KCNIP4: variants seen among roughly 807,000 people sequenced by gnomAD.
KCNIP4 encodes potassium voltage-gated channel interacting protein 4.
Under a neutral mutation model 34.0 loss-of-function variants are expected in KCNIP4, and 12 were observed. The ratio of observed to expected loss-of-function variants is 0.35; its 90% CI spans 0.23 to 0.57. The LOEUF is 0.57. Among genes scored for constraint, KCNIP4 ranks in the 20% least tolerant of loss-of-function variants. The pLI is 0.83. For missense variants in KCNIP4, 238 were observed against 311.7 expected (o/e 0.76, Z 1.78); for synonymous variants, 124 against 102.2 (o/e 1.21, Z -1.29).
intron 1 of KCNIP4, among the ~76,000 whole-genome samples, chr4:20,903,117 A>T (rs1158973290): frequency 6.6e-6 from 1 of 152,200 alleles, no homozygotes; most frequent in Non-Finnish European, 1.5e-5. Flanking sequence ...CAGAATCATT[A>T]TTCTTTATAG....
At chr4:21,086,559 T>A (rs1353003006) in intron 1 of KCNIP4, among the ~76,000 whole-genome samples, 1 of 152,298 alleles carries the variant, frequency 6.6e-6, no homozygotes, top group Admixed American at 6.5e-5. Context: ...GAAGTATAAT[T>A]TGACACAGGA....
chr4:21,481,950 T>C (rs1364982554), intron 1 of KCNIP4, among the ~76,000 whole-genome samples: 1 of 152,138 alleles, frequency 6.6e-6, no homozygotes, highest in Non-Finnish European at 1.5e-5. Flanking sequence ...AGTCTAAGTC[T>C]CTTTGTAGGT....
chr4:21,118,193 A>AGT (rs1681959748), intron 1 of KCNIP4, among the ~76,000 whole-genome samples: 1 of 152,126 alleles, frequency 6.6e-6, no homozygotes, highest in African/African-American at 2.4e-5. Context: ...CTGAGGGGCT[A>AGT]ACTAAACAGG....
chr4:21,423,605 T>C (rs1725679496), intron 1 of KCNIP4, among the ~76,000 whole-genome samples: 1 of 152,214 alleles, frequency 6.6e-6, no homozygotes, highest in Non-Finnish European at 1.5e-5. Flanking sequence ...CAAATCACTA[T>C]TTCTACACCT....
intron 1 of KCNIP4, among the ~76,000 whole-genome samples, chr4:21,815,450 C>T (rs561613080): frequency 5.9e-4 from 89 of 151,738 alleles, no homozygotes; most frequent in Admixed American, 2.0e-3. Context: ...ACTCTTAGTA[C>T]GATTATCACT....
chr4:21,723,375 T>C (rs562631636), intron 1 of KCNIP4, among the ~76,000 whole-genome samples: 28 of 152,266 alleles, frequency 1.8e-4, no homozygotes, highest in Non-Finnish European at 2.8e-4. Context: ...TTTTTTTGTG[T>C]GCAGCAACCT....
At chr4:21,473,837 C>T (rs1730673449) in intron 1 of KCNIP4, among the ~76,000 whole-genome samples, 1 of 151,950 alleles carries the variant, frequency 6.6e-6, no homozygotes, top group African/African-American at 2.4e-5. Flanking sequence ...CCTCAGCCTC[C>T]CCAAGAGCTG....
intron 1 of KCNIP4, among the ~76,000 whole-genome samples, chr4:21,857,908 TGC>T (rs988817956): frequency 2.0e-5 from 3 of 152,222 alleles, no homozygotes; most frequent in African/African-American, 7.2e-5. Flanking sequence ...TTTGGGGTTC[TGC>T]AGTTTCTGGT....
At chr4:20,798,994 A>G (rs1483449673) in intron 3 of KCNIP4, among the ~76,000 whole-genome samples, 1 of 152,138 alleles carries the variant, frequency 6.6e-6, no homozygotes, top group Non-Finnish European at 1.5e-5. Flanking sequence ...GGAACCAGAG[A>G]CACTACTAGA....
At chr4:20,771,555 C>T (rs188640694) in intron 3 of KCNIP4, among the ~76,000 whole-genome samples, 167 of 152,140 alleles carry the variant, frequency 1.1e-3, no homozygotes, top group African/African-American at 3.7e-3. Context: ...AAAGAGGTGT[C>T]GTCTATAGAT....
intron 1 of KCNIP4, among the ~76,000 whole-genome samples, chr4:20,975,458 T>C (rs750297816): frequency 6.6e-6 from 1 of 152,198 alleles, no homozygotes; most frequent in Non-Finnish European, 1.5e-5. Context: ...CATTGACTCA[T>C]TGTATGACAA....
At chr4:20,877,171 T>G (rs1158080954) in intron 2 of KCNIP4, among the ~76,000 whole-genome samples, 1 of 152,188 alleles carries the variant, frequency 6.6e-6, no homozygotes, top group East Asian at 1.9e-4. Context: ...GGGCTCGCTC[T>G]TTGGTGAGTT....
At chr4:21,268,755 G>T (rs1483550534) in intron 1 of KCNIP4, among the ~76,000 whole-genome samples, 2 of 152,198 alleles carry the variant, frequency 1.3e-5, no homozygotes, top group Non-Finnish European at 2.9e-5. Context: ...TAAGGGTTTT[G>T]ATAGAGATGG....
intron 1 of KCNIP4, among the ~76,000 whole-genome samples, chr4:21,300,861 A>G (rs1035708): frequency 0.031 from 4,781 of 152,214 alleles, 164 homozygotes; most frequent in South Asian, 0.13. Context: ...CACTCATTGA[A>G]GTTTTGAAAT....
intron 1 of KCNIP4, among the ~76,000 whole-genome samples, chr4:21,756,552 CA>C (rs71191600): frequency 0.14 from 17,010 of 124,704 alleles, 957 homozygotes; most frequent in Middle Eastern, 0.14. Flanking sequence ...GACTCTGTCT[CA>C]AAAAAAAAAA....
intron 1 of KCNIP4, among the ~76,000 whole-genome samples, chr4:20,970,143 G>A (rs796676770): frequency 1.3e-3 from 197 of 151,994 alleles, no homozygotes; most frequent in African/African-American, 4.5e-3. Flanking sequence ...GGGTTTCACC[G>A]TGTTAGCCAG....
chr4:21,256,403 GATCCC>G (rs745747933), intron 1 of KCNIP4, among the ~76,000 whole-genome samples: 6 of 137,668 alleles, frequency 4.4e-5, no homozygotes, highest in Non-Finnish European at 9.2e-5. Flanking sequence ...AACATAATGA[GATCCC>G]ATCCCTGCTT....
chr4:21,757,285 AAG>A (rs142173311), intron 1 of KCNIP4, among the ~76,000 whole-genome samples: 2 of 85,248 alleles, frequency 2.3e-5, no homozygotes. Context: ...AAGAAAAGAA[AAG>A]AGAAAAGAAA....
At chr4:20,850,355 C>T in intron 3 of KCNIP4, 188 bp downstream of exon 3, 4 of 547,702 alleles carry the variant, frequency 7.3e-6, no homozygotes, top group Admixed American at 2.8e-5. Flanking sequence ...TCACAGTATG[C>T]CAGCATGGGT....
Sources: gnomAD v4.1 joint callset for allele counts (sites outside exome capture counted in the v4.1 genomes callset) on GRCh38, gnomAD v4.1.1 for gene constraint, MANE v1.5 for transcripts, NCBI Gene and HGNC (gene_info 2026-07-23, HGNC 2026-07-21) for gene names.